Variants in ASTN2 observed in about 807,000 individuals in gnomAD.
The protein encoded by ASTN2 is astrotactin-2.
ASTN2 carries 54 observed loss-of-function variants against 139.8 expected under a neutral mutation model. The observed-to-expected ratio is 0.39, with a 90% CI of 0.31 to 0.48. The LOEUF (loss-of-function observed/expected upper bound fraction) is 0.48, where lower values mean the gene tolerates loss of function less well. Among genes scored for constraint, ASTN2 ranks in the 20% least tolerant of loss-of-function variants. The pLI is 0.95. For missense variants in ASTN2, 1,565 were observed against 1,725.1 expected (o/e 0.91, Z 1.64); for synonymous variants, 756 against 719.5 (o/e 1.05, Z -0.81).
chr9:116,838,562 T>C (rs527808409), intron 11 of ASTN2, among the ~76,000 whole-genome samples: 2 of 150,838 alleles, frequency 1.3e-5, no homozygotes, highest in South Asian at 4.2e-4. Flanking sequence ...TAGCTGGAAT[T>C]ACAGGCGTGT....
chr9:116,618,398 A>G lies in ASTN2; in HGVS notation c.3281T>C (p.Ile1094Thr). ...AATATAGTCGGAGACCTTGGTCCCA[A>G]TAGCTGGCTGAACATCCACCCACTC... ...SLEWVDVQPA[I>T]GTKVSDYILQ... The change falls in exon 19 of 23, where the codon ATT (isoleucine) becomes ACT (threonine). Residue 1094 changes from isoleucine to threonine, a missense_variant. Ile to Thr is a moderately conservative substitution (Grantham distance 89). Transcript: ENST00000313400. 3.1e-6 allele frequency: 5 copies of G among 1,614,190 alleles called. No individual in the cohort carries two copies. The highest frequency in any genetic ancestry group is 1.3e-5 in the African/African-American group (1 of 75,068).
Position 116,425,231 on chromosome 9 carries a change from A to C in ASTN2, c.*620T>G. On this transcript the variant is annotated 3_prime_UTR_variant, in exon 23 of 23. Transcript: ENST00000313400. ...AGAAATACCACCCAAGCAGAAAGAG[A>C]GACAATAGGAATTTTTAATGCATGG... is the stretch of plus-strand genomic sequence containing the variant. The C allele has an allele frequency of 3.3e-6, 1 of 303,958 alleles. No homozygotes were observed. The highest frequency in any genetic ancestry group is 6.1e-6 in the Non-Finnish European group (1 of 165,272). The allele number at this position is 303,958 out of a possible 1,614,324, so 18.8% of individuals were successfully genotyped here. A position where few individuals can be genotyped will look rare whatever the true frequency, so the allele number is the denominator to read the frequency against.
At chr9:116,585,636 C>T (rs1024128113) in intron 19 of ASTN2, 1 of 152,086 alleles carries the variant, frequency 6.6e-6, no homozygotes, top group Non-Finnish European at 1.5e-5. Context: ...TAAAACTGGG[C>T]CCTTACCTTT....
chr9:117,384,079 C>A (rs1830336713), intron 1 of ASTN2, among the ~76,000 whole-genome samples: 1 of 152,172 alleles, frequency 6.6e-6, no homozygotes, highest in African/African-American at 2.4e-5. Context: ...GCAGTGCTAC[C>A]TGGGAATATC....
At chr9:116,697,352 A>G in intron 16 of ASTN2, 1 of 274,174 alleles carries the variant, frequency 3.6e-6, no homozygotes, top group East Asian at 8.4e-5. Context: ...GGCAGACACC[A>G]TTATTACTTC....
At chr9:117,133,817 A>C (rs1829879236) in intron 4 of ASTN2, among the ~76,000 whole-genome samples, 1 of 152,146 alleles carries the variant, frequency 6.6e-6, no homozygotes, top group Non-Finnish European at 1.5e-5. Flanking sequence ...AGAAGAGTAG[A>C]ATTTGCATAT....
chr9:117,196,838 A>G (rs945469565), intron 3 of ASTN2, among the ~76,000 whole-genome samples: 5 of 152,326 alleles, frequency 3.3e-5, no homozygotes, highest in African/African-American at 7.2e-5. Flanking sequence ...CCACTATAAT[A>G]TAAGAACAGT....
intron 1 of ASTN2, among the ~76,000 whole-genome samples, chr9:117,403,143 C>A (rs1414368314): frequency 6.6e-6 from 1 of 152,146 alleles, no homozygotes; most frequent in Non-Finnish European, 1.5e-5. Flanking sequence ...AGGCCTCTCC[C>A]CAGGAGCCTC....
intron 6 of ASTN2, among the ~76,000 whole-genome samples, chr9:117,039,433 T>C (rs1265054034): frequency 6.6e-6 from 1 of 150,688 alleles, no homozygotes; most frequent in Admixed American, 6.6e-5. Flanking sequence ...CTGTTGGGGG[T>C]TGGGGAGAAA....
At chr9:116,772,297 TAGTG>T (rs1056910515) in intron 13 of ASTN2, among the ~76,000 whole-genome samples, 2 of 152,120 alleles carry the variant, frequency 1.3e-5, no homozygotes, top group African/African-American at 4.8e-5. Flanking sequence ...GTTCTTGTGA[TAGTG>T]AGTAAGTCTC....
At chr9:116,850,425 C>A (rs1832568525) in intron 11 of ASTN2, among the ~76,000 whole-genome samples, 1 of 152,122 alleles carries the variant, frequency 6.6e-6, no homozygotes, top group Admixed American at 6.5e-5. Context: ...GAAGCCAGAC[C>A]CCAGAACCAG....
At chr9:117,349,252 A>G (rs1313082141) in intron 1 of ASTN2, among the ~76,000 whole-genome samples, 1 of 152,210 alleles carries the variant, frequency 6.6e-6, no homozygotes, top group Non-Finnish European at 1.5e-5. Context: ...ATAGCAGGGT[A>G]AGGAACATGA....
At chr9:116,940,457 G>T (rs1054552510) in intron 10 of ASTN2, among the ~76,000 whole-genome samples, 1 of 152,160 alleles carries the variant, frequency 6.6e-6, no homozygotes, top group Non-Finnish European at 1.5e-5. Context: ...GGAGGTAGAA[G>T]ACAGTGATAT....
Position 116,445,472 on chromosome 9 carries a change from C to T in ASTN2, c.3498-2919G>A, listed in dbSNP as rs534109126. On this transcript the variant is annotated intron_variant, in intron 20 of 22. Transcript: ENST00000313400. The stretch of plus-strand genomic sequence containing the variant: ...TATGAAAAGTAGGAATATGTTTTAA[C>T]ACAGCTGTTTCATAGGCCACTTATG... Among the ~76,000 whole-genome samples the T allele has an allele frequency of 5.9e-5, 9 of 152,310 alleles. No homozygotes were observed. In the East Asian group the frequency reaches 1.7e-3, roughly 29 times the overall value.
intron 5 of ASTN2, among the ~76,000 whole-genome samples, chr9:117,078,183 T>C (rs1333353838): frequency 2.0e-5 from 3 of 152,242 alleles, no homozygotes; most frequent in Non-Finnish European, 4.4e-5. Flanking sequence ...GCATCAGAGC[T>C]AGAATAGCCT....
chr9:117,228,165 A>T (rs1432102867), intron 2 of ASTN2, among the ~76,000 whole-genome samples: 1 of 152,100 alleles, frequency 6.6e-6, no homozygotes, highest in African/African-American at 2.4e-5. Context: ...TCATGTTTTT[A>T]AAAGAACTAT....
intron 16 of ASTN2, among the ~76,000 whole-genome samples, chr9:116,652,354 T>A (rs942969565): frequency 1.7e-4 from 26 of 151,978 alleles, no homozygotes; most frequent in African/African-American, 4.8e-4. Flanking sequence ...ATAAATAAAT[T>A]AATTAATTAA....
At chr9:116,865,595 G>A (rs1832994860) in intron 10 of ASTN2, among the ~76,000 whole-genome samples, 2 of 152,072 alleles carry the variant, frequency 1.3e-5, no homozygotes, top group South Asian at 2.1e-4. Context: ...AGGAATCCAG[G>A]CCTTTGCATC....
intron 2 of ASTN2, among the ~76,000 whole-genome samples, chr9:117,242,202 T>C (rs1178025858): frequency 6.6e-6 from 1 of 151,948 alleles, no homozygotes; most frequent in African/African-American, 2.4e-5. Flanking sequence ...GTGTTTCCTA[T>C]TTGGAATGGT....
Sources: allele counts gnomAD v4.1 joint callset (sites outside exome capture counted in the v4.1 genomes callset), GRCh38; gene constraint gnomAD v4.1.1; transcripts MANE v1.5; gene names NCBI Gene and HGNC (gene_info 2026-07-23, HGNC 2026-07-21).